The following JMJD1C variants were observed in gnomAD, a reference collection of about 807,000 sequenced individuals.
JMJD1C encodes the protein jumonji domain containing 1C, also known as jumonji domain-containing protein 1C.
In JMJD1C, 31 loss-of-function variants were observed where a neutral mutation model predicts 245.3. That is an observed-to-expected ratio of 0.13 (90% CI 0.09 to 0.17). The LOEUF is 0.17. Ranked by LOEUF, JMJD1C falls within the 10% of genes least tolerant of loss-of-function variation. JMJD1C has a pLI of 1.00. For missense variants in JMJD1C, 2,691 were observed against 3,000.2 expected (o/e 0.90, Z 2.41); for synonymous variants, 1,057 against 1,017.4 (o/e 1.04, Z -0.74).
At chr10:63,420,002 G>A (rs1238297433) in intron 1 of JMJD1C, among the ~76,000 whole-genome samples, 3 of 151,834 alleles carry the variant, frequency 2.0e-5, no homozygotes, top group Non-Finnish European at 4.4e-5. Flanking sequence ...CGGGCATGAT[G>A]GCGCGCGCCT....
At chr10:63,255,745 T>A (rs919651286) in intron 3 of JMJD1C, among the ~76,000 whole-genome samples, 1 of 152,148 alleles carries the variant, frequency 6.6e-6, no homozygotes, top group Non-Finnish European at 1.5e-5. Context: ...AATAAGAGAA[T>A]ACAATCTATT....
intron 1 of JMJD1C, among the ~76,000 whole-genome samples, chr10:63,441,614 C>T (rs1233971718): frequency 6.6e-6 from 1 of 152,156 alleles, no homozygotes; most frequent in African/African-American, 2.4e-5. Flanking sequence ...CTCAACTTTA[C>T]TTAACGCCCT....
rs1459820899 is a variant in JMJD1C, at chr10:63,465,575, T to C, written c.88A>G (p.Ser30Gly). The change falls in exon 1 of 26, where the codon AGC (serine) becomes GGC (glycine). Residue 30 changes from serine (S) to glycine (G), a missense_variant. This residue lies in a region of JMJD1C where 135 missense variants were observed against 115.5 expected (regional missense o/e 1.17). Coordinates refer to ENST00000399262, the MANE Select transcript of JMJD1C (RefSeq NM_032776.3). ...CGCCAGCTTCGCCAGCCGCGTCCGC[T>C]CTCCCAGCGCTCCGAACGTGCCTCG... ...GDEARSERWE[S>G]GRGWRSWRAG... The C allele has an allele frequency of 1.2e-6, 2 of 1,608,532 alleles. No individual in the cohort carries two copies. Among genetic ancestry groups the C allele is most frequent in the Non-Finnish European group, 1.7e-6 (2 of 1,179,732 alleles).
chr10:63,295,556 T>A (rs1859280902), intron 2 of JMJD1C, among the ~76,000 whole-genome samples: 1 of 152,176 alleles, frequency 6.6e-6, no homozygotes, highest in Non-Finnish European at 1.5e-5. Context: ...GAAAGGGGTC[T>A]CTCTCAAGAA....
At chr10:63,330,266 C>T (rs1942005149) in intron 2 of JMJD1C, among the ~76,000 whole-genome samples, 1 of 152,124 alleles carries the variant, frequency 6.6e-6, no homozygotes, top group African/African-American at 2.4e-5. Context: ...GTACTAAATG[C>T]ATTTTCAATT....
intron 1 of JMJD1C, among the ~76,000 whole-genome samples, chr10:63,381,643 A>G (rs1947228875): frequency 6.6e-6 from 1 of 152,230 alleles, no homozygotes; most frequent in African/African-American, 2.4e-5. Context: ...TAATGAGTAT[A>G]ACAATATTTC....
chr10:63,478,485 T>C (rs1035726817), intron 1 of JMJD1C, among the ~76,000 whole-genome samples: 1 of 152,228 alleles, frequency 6.6e-6, no homozygotes, highest in Admixed American at 6.5e-5. Flanking sequence ...AGCTCTGCGT[T>C]TGGCGAATCC....
intron 2 of JMJD1C, among the ~76,000 whole-genome samples, chr10:63,367,132 A>T (rs577515961): frequency 6.6e-6 from 1 of 152,220 alleles, no homozygotes. Flanking sequence ...CAAAGGTCAC[A>T]CTGCAGCACT....
chr10:63,393,945 C>T (rs1405724850), intron 1 of JMJD1C, among the ~76,000 whole-genome samples: 1 of 152,136 alleles, frequency 6.6e-6, no homozygotes, highest in Non-Finnish European at 1.5e-5. Flanking sequence ...CTTTCAGAGG[C>T]CAAGGCAGGC....
chr10:63,401,492 C>T (rs1410668328), intron 1 of JMJD1C, among the ~76,000 whole-genome samples: 1 of 152,104 alleles, frequency 6.6e-6, no homozygotes. Context: ...TGCAATCCCC[C>T]CACCTAGGCC....
chr10:63,167,298 T>C lies in JMJD1C; in HGVS notation c.*747A>G, dbSNP rs1156709555. On this transcript the variant is annotated 3_prime_UTR_variant, in exon 26 of 26. Coordinates refer to ENST00000399262, the MANE Select transcript of JMJD1C (RefSeq NM_032776.3). ...TAATGTACAAAGCCATATGTAACAC[T>C]TGCACTTTAACAAAAGCAAGCCAAT... is the stretch of plus-strand genomic sequence containing the variant. The C allele has an allele frequency of 6.6e-6, 1 of 152,580 alleles. No individual in the cohort carries two copies. Among genetic ancestry groups the C allele is most frequent in the Non-Finnish European group, 1.5e-5 (1 of 68,032 alleles). The allele number at this position is 152,580 out of a possible 1,614,324, so 9.5% of individuals were successfully genotyped here. A position where few individuals can be genotyped will look rare whatever the true frequency, so the allele number is the denominator to read the frequency against.
intron 2 of JMJD1C, among the ~76,000 whole-genome samples, chr10:63,340,508 G>T (rs188084751): frequency 6.6e-6 from 1 of 152,258 alleles, no homozygotes; most frequent in East Asian, 1.9e-4. Flanking sequence ...ACGGGTAACG[G>T]TTATTAAAAA....
intron 1 of JMJD1C, among the ~76,000 whole-genome samples, chr10:63,398,746 C>T (rs1176247824): frequency 6.6e-6 from 1 of 151,994 alleles, no homozygotes; most frequent in Non-Finnish European, 1.5e-5. Flanking sequence ...CAGGTTCGAG[C>T]GATTCTCATG....
intron 1 of JMJD1C, among the ~76,000 whole-genome samples, chr10:63,415,329 CT>C (rs1240662687): frequency 6.6e-6 from 1 of 152,006 alleles, no homozygotes; most frequent in Admixed American, 6.6e-5. Context: ...CTAATAAAAC[CT>C]TATCAGAAAG....
At chr10:63,427,880 C>A (rs1156516000) in intron 1 of JMJD1C, 5 of 790,692 alleles carry the variant, frequency 6.3e-6, no homozygotes, top group Admixed American at 1.9e-5. Flanking sequence ...ATGGCACTGG[C>A]AGCTACAGAG....
rs113548708 is a variant in JMJD1C, at chr10:63,253,493, C to T, written c.447+11158G>A. Reference sequence around the variant, plus strand: ...CTGCCTCCCGGGCTCAAACGATTCTCCTGCCTCAGACTCCCGAGTAGCTGG... The same window carrying T: ...CTGCCTCCCGGGCTCAAACGATTCTTCTGCCTCAGACTCCCGAGTAGCTGG... On this transcript the variant is annotated intron_variant, in intron 3 of 25. Transcript: ENST00000399262. Among the ~76,000 whole-genome samples the T allele has an allele frequency of 3.3e-3, 501 of 152,094 alleles. 3 individuals carry two copies. Among genetic ancestry groups the T allele is most frequent in the African/African-American group, 0.011 (460 of 41,490 alleles).
intron 1 of JMJD1C, among the ~76,000 whole-genome samples, chr10:63,396,907 G>A (rs548260302): frequency 5.0e-4 from 74 of 147,484 alleles, no homozygotes; most frequent in Middle Eastern, 7.1e-3. Flanking sequence ...TCACAGCCAC[G>A]TTCAAGAAGA....
intron 17 of JMJD1C, among the ~76,000 whole-genome samples, chr10:63,190,509 T>C (rs1017554324): frequency 2.6e-5 from 4 of 152,296 alleles, no homozygotes; most frequent in South Asian, 2.1e-4. Context: ...GCCCCCCATA[T>C]AGTTTTAAAA....
At chr10:63,303,214 T>G (rs759063069) in intron 2 of JMJD1C, among the ~76,000 whole-genome samples, 8 of 152,252 alleles carry the variant, frequency 5.3e-5, no homozygotes, top group Non-Finnish European at 8.8e-5. Flanking sequence ...ACTATTAACC[T>G]GACTTTAAAA....
Sources: gnomAD v4.1 joint callset for allele counts (sites outside exome capture counted in the v4.1 genomes callset) on GRCh38, gnomAD v4.1.1 for gene constraint, gnomAD v4.1.1 regional missense constraint, MANE v1.5 for transcripts, NCBI Gene and HGNC (gene_info 2026-07-23, HGNC 2026-07-21) for gene names.